The following ITGAV variants were observed in gnomAD, a reference collection of about 807,000 sequenced individuals.
ITGAV encodes the protein integrin alpha-V.
In ITGAV, 76 loss-of-function variants were observed where a neutral mutation model predicts 143.8. The ratio of observed to expected loss-of-function variants is 0.53; its 90% CI spans 0.44 to 0.64. The LOEUF is 0.64. Ranked by LOEUF, ITGAV falls within the 30% of genes least tolerant of loss-of-function variation. The pLI is 0.00. For synonymous variants in ITGAV, 453 were observed against 446.7 expected (o/e 1.01, Z -0.18); for missense variants, 1,193 against 1,274.7 (o/e 0.94, Z 0.98).
intron 6 of ITGAV, 52 bp downstream of exon 6, chr2:186,633,426 C>T: frequency 2.0e-6 from 2 of 1,023,674 alleles, no homozygotes; most frequent in South Asian, 1.5e-5. Flanking sequence ...CGCTGATTCA[C>T]CTGGCTAATT....
Position 186,641,458 on chromosome 2 carries a change from G to T in ITGAV, c.1029G>T (p.Gly343=). Residue 343 remains glycine, a synonymous_variant, in exon 12 of 30, where the codon GGG becomes GGT. Transcript: ENST00000261023. ...RGSDGKLQEV[G]QVSVSLQRAS... ...CTGATGGCAAACTCCAAGAGGTGGGGCAGGTCTCAGTGTCTCTACAGAGAG... is the reference window on the plus strand; with the variant it reads ...CTGATGGCAAACTCCAAGAGGTGGGTCAGGTCTCAGTGTCTCTACAGAGAG... 1 of 1,614,170 alleles carries T rather than the reference G, an allele frequency of 6.2e-7. No individual in the cohort carries two copies. The highest frequency in any genetic ancestry group is 8.5e-7 in the Non-Finnish European group (1 of 1,180,010).
chr2:186,633,043 A>G (rs2105700388), intron 5 of ITGAV, among the ~76,000 whole-genome samples: 1 of 151,862 alleles, frequency 6.6e-6, no homozygotes, highest in East Asian at 1.9e-4. Flanking sequence ...ACAGATAGAT[A>G]TAAATCTCAG....
rs571876670 is a variant in ITGAV at position 186,662,708 on chromosome 2, A to G, written c.1858-1060A>G. Among the ~76,000 whole-genome samples the G allele has an allele frequency of 2.6e-5, 4 of 152,354 alleles. No homozygotes were observed. The South Asian group carries it at 8.3e-4, about 32-fold the overall frequency. On this transcript the variant is annotated intron_variant, in intron 18 of 29. Coordinates refer to ENST00000261023, the MANE Select transcript of ITGAV (RefSeq NM_002210.5). ...GATTTTGAAGACAGTAAGAAACAGA[A>G]TGCAAAATATTCCACTGATAATTTT...
intron 8 of ITGAV, among the ~76,000 whole-genome samples, chr2:186,637,460 G>C (rs1428962330): frequency 7.5e-6 from 1 of 134,008 alleles, no homozygotes; most frequent in Admixed American, 8.1e-5. Flanking sequence ...CCGCCCGGGC[G>C]ACAGAGCCGA....
intron 26 of ITGAV, among the ~76,000 whole-genome samples, chr2:186,671,945 C>T (rs1348878631): frequency 2.3e-5 from 3 of 131,742 alleles, no homozygotes; most frequent in African/African-American, 5.7e-5. Context: ...CTTAGTACTC[C>T]TTTTTTTTTT....
Position 186,590,304 on chromosome 2 carries a change from C to A in ITGAV, c.-35C>A, listed in dbSNP as rs1026786244. On this transcript the variant is annotated 5_prime_UTR_variant, in exon 1 of 30. Transcript: ENST00000261023. ...CGCTGGGGCGGGGGGAGGTGGCTAC[C>A]GCTCCCGGCTTGGCGTCCCGCGCGC... is the stretch of plus-strand genomic sequence containing the variant. 2 of 1,504,598 alleles carry A rather than the reference C, an allele frequency of 1.3e-6. No individual in the cohort carries two copies. Among genetic ancestry groups the A allele is most frequent in the South Asian group, 1.3e-5 (1 of 77,972 alleles). 93.2% of individuals were successfully genotyped at this position (1,504,598 alleles called of 1,614,324 possible). A position where few individuals can be genotyped will look rare whatever the true frequency, so the allele number is the denominator to read the frequency against.
intron 12 of ITGAV, among the ~76,000 whole-genome samples, chr2:186,644,563 A>G (rs1688198620): frequency 6.6e-6 from 1 of 151,950 alleles, no homozygotes; most frequent in African/African-American, 2.4e-5. Flanking sequence ...TGACCTCGTG[A>G]CCCACCCGCC....
At chr2:186,623,045 C>A (rs936975063) in intron 3 of ITGAV, among the ~76,000 whole-genome samples, 1 of 151,980 alleles carries the variant, frequency 6.6e-6, no homozygotes, top group Admixed American at 6.6e-5. Flanking sequence ...AAATACGACA[C>A]GATGTTGAAG....
chr2:186,606,813 A>G (rs188942454), intron 2 of ITGAV, among the ~76,000 whole-genome samples: 13 of 152,016 alleles, frequency 8.6e-5, no homozygotes, highest in African/African-American at 3.1e-4. Flanking sequence ...TGTGGCACCG[A>G]CCCAACCCAG....
In ITGAV at chr2:186,659,068, C is replaced by G; in HGVS notation, c.1750C>G (p.Pro584Ala). The change falls in exon 18 of 30, where the codon CCA becomes GCA. Residue 584 changes from proline to alanine, a missense_variant. Coordinates refer to ENST00000261023, the MANE Select transcript of ITGAV (RefSeq NM_002210.5). The part of the protein sequence containing the change: ...DESEFRDKLT[P>A]ITIFMEYRLD... ...ATCTGAATTTAGAGACAAACTCACTCCAATTACTATTTTTATGGAATATCG... is the reference window on the plus strand; with the variant it reads ...ATCTGAATTTAGAGACAAACTCACTGCAATTACTATTTTTATGGAATATCG... The G allele has an allele frequency of 6.2e-7, 1 of 1,610,058 alleles. No homozygotes were observed. Among genetic ancestry groups the G allele is most frequent in the Non-Finnish European group, 8.5e-7 (1 of 1,177,028 alleles).
chr2:186,649,759 T>C, intron 13 of ITGAV, 81 bp from the exon 14 acceptor site: 3 of 944,830 alleles, frequency 3.2e-6, no homozygotes, highest in Middle Eastern at 3.1e-4. Flanking sequence ...CCTTTTTATA[T>C]TCATTGAAAA....
Position 186,590,515 on chromosome 2 carries a change from C to A in ITGAV, c.177C>A (p.Ser59Arg). The A allele has an allele frequency of 6.2e-7, 1 of 1,610,340 alleles. No individual in the cohort carries two copies. Among genetic ancestry groups the A allele is most frequent in the Non-Finnish European group, 8.5e-7 (1 of 1,178,760 alleles). Reference protein sequence around the residue: ...FGFAVDFFVPSASSRMFLLVG... With the variant: ...FGFAVDFFVPRASSRMFLLVG... Reference sequence around the variant, plus strand: ...TCGCCGTGGATTTCTTCGTGCCCAGCGCGTCTTCGTAAGTGGCCGCACTTG... The same window carrying A: ...TCGCCGTGGATTTCTTCGTGCCCAGAGCGTCTTCGTAAGTGGCCGCACTTG... Residue 59 changes from serine to arginine, a missense_variant, in exon 1 of 30, where the codon AGC becomes AGA. Ser to Arg is a moderately radical substitution (Grantham distance 110). Coordinates refer to ENST00000261023, the MANE Select transcript of ITGAV (RefSeq NM_002210.5).
At chr2:186,666,682 T>C (rs200954199) in intron 21 of ITGAV, 22 bp from the exon 22 acceptor site, 42 of 1,414,512 alleles carry the variant, frequency 3.0e-5, no homozygotes, top group Non-Finnish European at 3.8e-5. Flanking sequence ...CTAGCATTAC[T>C]ATCTTTTCCT....
chr2:186,627,053 CTT>C (rs1188302652), intron 4 of ITGAV, among the ~76,000 whole-genome samples: 3 of 152,198 alleles, frequency 2.0e-5, no homozygotes, highest in Admixed American at 6.5e-5. Context: ...GCAGTACACT[CTT>C]ATTTTCATTT....
intron 2 of ITGAV, among the ~76,000 whole-genome samples, chr2:186,609,159 C>T (rs1687146472): frequency 6.6e-6 from 1 of 152,084 alleles, no homozygotes; most frequent in Non-Finnish European, 1.5e-5. Context: ...CCTTTTTCTC[C>T]TTTTGACTGG....
chr2:186,623,081 AT>A (rs1687579938), intron 3 of ITGAV, among the ~76,000 whole-genome samples: 1 of 152,120 alleles, frequency 6.6e-6, no homozygotes, highest in African/African-American at 2.4e-5. Context: ...AGAAAAAAAA[AT>A]AACAACCTTC....
In ITGAV at chr2:186,680,473, A is replaced by G. The variant is rs1252095501; in HGVS notation, c.*3181A>G. 2.6e-5 allele frequency: 4 copies of G among 152,500 alleles called. No homozygotes were observed. Among genetic ancestry groups the G allele is most frequent in the African/African-American group, 9.7e-5 (4 of 41,436 alleles). 9.4% of individuals were successfully genotyped at this position (152,500 alleles called of 1,614,324 possible). On this transcript the variant is annotated 3_prime_UTR_variant, in exon 30 of 30. Transcript: ENST00000261023. ...TTTTTTGTCATTGTTCTCAAGTGCA[A>G]TATAACAATGTAACCAAATCTAGAT...
At chr2:186,628,206 A>G (rs897976253) in intron 4 of ITGAV, among the ~76,000 whole-genome samples, 3 of 152,178 alleles carry the variant, frequency 2.0e-5, no homozygotes, top group African/African-American at 7.2e-5. Context: ...CAAACGAATA[A>G]TTGGTTTTAT....
At chr2:186,628,282 T>C (rs1687727976) in intron 4 of ITGAV, among the ~76,000 whole-genome samples, 1 of 152,190 alleles carries the variant, frequency 6.6e-6, no homozygotes, top group South Asian at 2.1e-4. Context: ...TCTTGTGGGT[T>C]ATTTTATTTA....
Sources: gnomAD v4.1 joint callset for allele counts (sites outside exome capture counted in the v4.1 genomes callset) on GRCh38, gnomAD v4.1.1 for gene constraint, MANE v1.5 for transcripts, NCBI Gene and HGNC (gene_info 2026-07-23, HGNC 2026-07-21) for gene names.